The following EPB41L2 variants were observed in gnomAD, a reference collection of about 807,000 sequenced individuals.
EPB41L2 encodes the protein band 4.1-like protein 2.
In EPB41L2, 43 loss-of-function variants were observed where a neutral mutation model predicts 113.0. That is an observed-to-expected ratio of 0.38 (90% CI 0.30 to 0.49). EPB41L2 has a LOEUF of 0.49. Ranked by LOEUF, EPB41L2 falls within the 20% of genes least tolerant of loss-of-function variation. The pLI is 0.95. For missense variants in EPB41L2, 1,147 were observed against 1,223.4 expected (o/e 0.94, Z 0.93); for synonymous variants, 442 against 436.7 (o/e 1.01, Z -0.15).
Position 130,897,443 on chromosome 6 carries a change from A to G in EPB41L2, c.1236+2048T>C, listed in dbSNP as rs9483189. 6.4e-3 allele frequency among the ~76,000 whole-genome samples: 972 copies of G among 152,322 alleles called. 16 individuals carry two copies. The highest frequency in any genetic ancestry group is 0.022 in the African/African-American group (912 of 41,580). ...GTTCTGCTCCTAACTACACAGCAAG[A>G]AAGAGTATTATACTTAGAACAGAGT... is the stretch of plus-strand genomic sequence containing the variant. On this transcript the variant is annotated intron_variant, in intron 8 of 19. Coordinates refer to ENST00000337057, the MANE Select transcript of EPB41L2 (RefSeq NM_001431.4).
chr6:131,052,043 T>C (rs928824278), intron 1 of EPB41L2, among the ~76,000 whole-genome samples: 4 of 151,836 alleles, frequency 2.6e-5, no homozygotes, highest in Non-Finnish European at 5.9e-5. Flanking sequence ...TTCAAGCAAT[T>C]CTCCTGCCTC....
chr6:130,875,139 T>C (rs999483668), intron 14 of EPB41L2, among the ~76,000 whole-genome samples: 2 of 152,220 alleles, frequency 1.3e-5, no homozygotes, highest in African/African-American at 2.4e-5. Flanking sequence ...TCCTTATTTC[T>C]ACTTATTTTG....
At chr6:130,850,617 TTCTC>T (rs1353468746) in intron 19 of EPB41L2, among the ~76,000 whole-genome samples, 9 of 152,100 alleles carry the variant, frequency 5.9e-5, no homozygotes, top group Non-Finnish European at 1.2e-4. Context: ...TGGAAAGAAA[TTCTC>T]TATCTCTGGG....
chr6:131,046,288 C>T (rs2128190240), intron 1 of EPB41L2, among the ~76,000 whole-genome samples: 1 of 151,988 alleles, frequency 6.6e-6, no homozygotes, highest in African/African-American at 2.4e-5. Context: ...GAGCAACAGA[C>T]ATATAAGTTA....
At chr6:130,910,233 C>T (rs1161970594) in intron 4 of EPB41L2, among the ~76,000 whole-genome samples, 1 of 152,196 alleles carries the variant, frequency 6.6e-6, no homozygotes, top group Non-Finnish European at 1.5e-5. Context: ...CACACATCTA[C>T]AACCATCTGA....
At chr6:131,028,377 A>G (rs1791334883) in intron 1 of EPB41L2, among the ~76,000 whole-genome samples, 1 of 152,134 alleles carries the variant, frequency 6.6e-6, no homozygotes, top group African/African-American at 2.4e-5. Flanking sequence ...TAGTGCAACA[A>G]TTTTGCTCTC....
chr6:130,958,435 A>G (rs1038031131), intron 1 of EPB41L2, among the ~76,000 whole-genome samples: 8 of 150,954 alleles, frequency 5.3e-5, no homozygotes, highest in African/African-American at 2.0e-4. Flanking sequence ...CTAGGCGACA[A>G]AACAAGACCC....
intron 3 of EPB41L2, 40 bp downstream of exon 3, chr6:130,955,065 C>A (rs768747222): frequency 4.1e-5 from 64 of 1,559,580 alleles, no homozygotes; most frequent in Non-Finnish European, 5.6e-5. Context: ...ATGCCACAAT[C>A]CACATATCAA....
intron 3 of EPB41L2, among the ~76,000 whole-genome samples, chr6:130,942,712 CA>C (rs1198155790): frequency 6.6e-6 from 1 of 152,158 alleles, no homozygotes; most frequent in Non-Finnish European, 1.5e-5. Context: ...ATTAACCTGT[CA>C]TCTACATTAG....
chr6:131,051,530 A>T (rs1362735219), intron 1 of EPB41L2, among the ~76,000 whole-genome samples: 1 of 152,052 alleles, frequency 6.6e-6, no homozygotes, highest in African/African-American at 2.4e-5. Flanking sequence ...ATGTCAACAA[A>T]ATTTTAGAAG....
chr6:131,030,067 T>A (rs1791796407), intron 1 of EPB41L2, among the ~76,000 whole-genome samples: 1 of 139,228 alleles, frequency 7.2e-6, no homozygotes. Flanking sequence ...TACTGTTATC[T>A]GCTCCCTACC....
chr6:131,046,524 T>C lies in EPB41L2; in HGVS notation c.-15+16631A>G, dbSNP rs180845156. On this transcript the variant is annotated intron_variant, in intron 1 of 19. Coordinates refer to ENST00000337057, the MANE Select transcript of EPB41L2 (RefSeq NM_001431.4). ...GATTCAGGATAAACACCTACAAAAGTCTATACTCAGCAGTACTGACCAACA... is the reference window on the plus strand; with the variant it reads ...GATTCAGGATAAACACCTACAAAAGCCTATACTCAGCAGTACTGACCAACA... 1.1e-3 allele frequency among the ~76,000 whole-genome samples: 174 copies of C among 152,270 alleles called. No homozygotes were observed. The Middle Eastern group carries it at 0.017, about 15-fold the overall frequency.
At chr6:130,950,012 G>A (rs928905647) in intron 3 of EPB41L2, among the ~76,000 whole-genome samples, 1 of 152,178 alleles carries the variant, frequency 6.6e-6, no homozygotes, top group Non-Finnish European at 1.5e-5. Context: ...ACAGGAGACT[G>A]ATTATTAGTA....
Position 130,890,393 on chromosome 6 carries a change from T to C in EPB41L2, c.1561A>G (p.Thr521Ala), listed in dbSNP as rs1390193577. Residue 521 changes from threonine (T) to alanine (A), a missense_variant, in exon 11 of 20, where the codon ACC (threonine) becomes GCC (alanine). Transcript: ENST00000337057. ...LGSKFRYSGR[T>A]QAQTRQASTL... Reference sequence around the variant, plus strand: ...CTGGCCTGGCGGGTCTGTGCTTGGGTGCGGCCACTATAGCGAAATTTGGAC... The same window carrying C: ...CTGGCCTGGCGGGTCTGTGCTTGGGCGCGGCCACTATAGCGAAATTTGGAC... 1 of 1,612,234 alleles carries C rather than the reference T, an allele frequency of 6.2e-7. No individual in the cohort carries two copies. The highest frequency in any genetic ancestry group is 8.5e-7 in the Non-Finnish European group (1 of 1,179,742).
chr6:131,042,688 G>A (rs1406184757), intron 1 of EPB41L2, among the ~76,000 whole-genome samples: 2 of 152,086 alleles, frequency 1.3e-5, no homozygotes, highest in Non-Finnish European at 2.9e-5. Context: ...GAGTCACTAA[G>A]GATACTTGCT....
At position 130,918,125 on chromosome 6, in the gene EPB41L2, A is replaced by G. The variant is rs540832982; in HGVS notation, c.810+8480T>C. 2.6e-5 allele frequency among the ~76,000 whole-genome samples: 4 copies of G among 152,310 alleles called. No individual in the cohort carries two copies. The South Asian group carries it at 8.3e-4, about 32-fold the overall frequency. Reference sequence around the variant, plus strand: ...GTGAAACATTCACTACACATCTGGGAGAATGTGGGATTATAAAGTTTAACT... The same window carrying G: ...GTGAAACATTCACTACACATCTGGGGGAATGTGGGATTATAAAGTTTAACT... On this transcript the variant is annotated intron_variant, in intron 4 of 19. Transcript: ENST00000337057.
At chr6:130,866,221 A>G (rs1206061675) in intron 16 of EPB41L2, among the ~76,000 whole-genome samples, 1 of 152,230 alleles carries the variant, frequency 6.6e-6, no homozygotes, top group African/African-American at 2.4e-5. Context: ...GTGCTCCTAC[A>G]TATATATAAA....
chr6:130,984,512 T>C (rs1362782237), intron 1 of EPB41L2, among the ~76,000 whole-genome samples: 2 of 152,210 alleles, frequency 1.3e-5, no homozygotes, highest in African/African-American at 4.8e-5. Context: ...ATAGGAATTA[T>C]TCACCTCCAC....
chr6:130,923,806 A>AGTG lies in EPB41L2; in HGVS notation c.810+2798_810+2799insCAC, dbSNP rs1172450122. Among the ~76,000 whole-genome samples the AGTG allele has an allele frequency of 3.3e-5, 5 of 152,370 alleles. No homozygotes were observed. In the East Asian group the frequency reaches 9.6e-4, roughly 29 times the overall value. ...GCAGCGAGCACGCTGGTTTGTACAC[A>AGTG]GGTAGTGGGATTATTTTTAATTGTA... On this transcript the variant is annotated intron_variant, in intron 4 of 19. Coordinates refer to ENST00000337057, the MANE Select transcript of EPB41L2 (RefSeq NM_001431.4).
Sources: gnomAD v4.1 joint callset for allele counts (sites outside exome capture counted in the v4.1 genomes callset) on GRCh38, gnomAD v4.1.1 for gene constraint, MANE v1.5 for transcripts, NCBI Gene and HGNC (gene_info 2026-07-23, HGNC 2026-07-21) for gene names.